Variants in MDH2 observed in about 807,000 individuals in gnomAD.
MDH2 encodes malate dehydrogenase 2.
A neutral mutation model predicts 33.6 loss-of-function variants in MDH2; 25 were observed. The observed-to-expected ratio is 0.74, with a 90% CI of 0.54 to 1.04. The LOEUF is 1.04. Ranked by LOEUF, MDH2 falls within the 50% of genes least tolerant of loss-of-function variation. The probability of loss-of-function intolerance (pLI) is 0.00; values close to 1 mark genes in which losing one functional copy is unlikely to be tolerated. For synonymous variants in MDH2, 193 were observed against 188.7 expected, an observed-to-expected ratio of 1.02 and a Z score of -0.19; for missense variants, 432 against 445.0, an observed-to-expected ratio of 0.97 and a Z score of 0.26.
intron 1 of MDH2, among the ~76,000 whole-genome samples, chr7:76,052,430 CAAAAAAA>C (rs57185949): frequency 4.9e-4 from 63 of 128,704 alleles, no homozygotes; most frequent in East Asian, 1.5e-3. Context: ...GACCCTATCT[CAAAAAAA>C]AAAAAAAAAA....
chr7:76,050,714 A>G (rs560184216), intron 1 of MDH2, among the ~76,000 whole-genome samples: 1 of 152,302 alleles, frequency 6.6e-6, no homozygotes, highest in Non-Finnish European at 1.5e-5. Context: ...TGCAGGTGGT[A>G]AGAAATGATT....
intron 8 of MDH2, 115 bp from the exon 9 acceptor site, chr7:76,066,164 A>G: frequency 2.2e-6 from 3 of 1,344,144 alleles, no homozygotes; most frequent in South Asian, 1.5e-5. Flanking sequence ...CAAGGCACCC[A>G]GAACCCGCAT....
Position 76,066,523 on chromosome 7 carries a change from A to T in MDH2, c.*113A>T. 2.3e-6 allele frequency: 3 copies of T among 1,300,906 alleles called. No individual in the cohort carries two copies. The highest frequency in any genetic ancestry group is 3.0e-6 in the Non-Finnish European group (3 of 984,996). The allele number at this position is 1,300,906 out of a possible 1,614,324, so 80.6% of individuals were successfully genotyped here. A position where few individuals can be genotyped will look rare whatever the true frequency, so the allele number is the denominator to read the frequency against. On this transcript the variant is annotated 3_prime_UTR_variant, in exon 9 of 9. Coordinates refer to ENST00000315758, the MANE Select transcript of MDH2 (RefSeq NM_005918.4). ...TGCTTTGGTGATGATTACTGTATTG[A>T]CATCATCATGCCTTCCAAATTGTGG...
At chr7:76,048,562 G>T in intron 1 of MDH2, 1 of 1,314,190 alleles carries the variant, frequency 7.6e-7, no homozygotes, top group South Asian at 2.3e-5. Context: ...GTAAACTTAC[G>T]TTTTTTTCTG....
chr7:76,051,318 ATTTT>A (rs11342333), intron 1 of MDH2, among the ~76,000 whole-genome samples: 2 of 129,812 alleles, frequency 1.5e-5, no homozygotes, highest in African/African-American at 3.0e-5. Context: ...CAGACTTTGG[ATTTT>A]TTTTTTTTTT....
chr7:76,063,476 A>T, intron 5 of MDH2, 39 bp from the exon 6 acceptor site: 2 of 1,595,432 alleles, frequency 1.3e-6, no homozygotes, highest in Non-Finnish European at 8.6e-7. Context: ...ACAGTGAAAG[A>T]GCTTGTTAAC....
In MDH2 at chr7:76,066,539, C is replaced by A; in HGVS notation, c.*129C>A. 1.7e-6 allele frequency: 2 copies of A among 1,193,638 alleles called. No homozygotes were observed. Among genetic ancestry groups the A allele is most frequent in the Non-Finnish European group, 2.2e-6 (2 of 906,260 alleles). The allele number at this position is 1,193,638 out of a possible 1,614,324, so 73.9% of individuals were successfully genotyped here. A position where few individuals can be genotyped will look rare whatever the true frequency, so the allele number is the denominator to read the frequency against. Reference sequence around the variant, plus strand: ...ACTGTATTGACATCATCATGCCTTCCAAATTGTGGGTGGCTCTGTGGGCGC... The same window carrying A: ...ACTGTATTGACATCATCATGCCTTCAAAATTGTGGGTGGCTCTGTGGGCGC... On this transcript the variant is annotated 3_prime_UTR_variant, in exon 9 of 9. Coordinates refer to ENST00000315758, the MANE Select transcript of MDH2 (RefSeq NM_005918.4).
intron 5 of MDH2, among the ~76,000 whole-genome samples, 162 bp downstream of exon 5, chr7:76,060,660 TG>T (rs1554586884): frequency 1.3e-5 from 2 of 152,070 alleles, no homozygotes; most frequent in African/African-American, 4.8e-5. Context: ...GCAGCCCCTG[TG>T]TTTCCTGTGG....
chr7:76,054,424 T>C, intron 1 of MDH2: 1 of 251,036 alleles, frequency 4.0e-6, no homozygotes, highest in Middle Eastern at 1.4e-3. Context: ...ATTACCTGTC[T>C]CCTACAGAGC....
intron 8 of MDH2, 87 bp from the exon 9 acceptor site, chr7:76,066,192 G>A (rs535775113): frequency 2.3e-5 from 35 of 1,523,254 alleles, no homozygotes; most frequent in Admixed American, 7.7e-5. Flanking sequence ...GAGACTCCTC[G>A]GCAGGGCTGA....
chr7:76,048,158 G>C lies in MDH2; in HGVS notation c.-3G>C. 6.5e-7 allele frequency: 1 copy of C among 1,537,154 alleles called. No homozygotes were observed. Among genetic ancestry groups the C allele is most frequent in the Non-Finnish European group, 8.7e-7 (1 of 1,146,888 alleles). ...GCCAGTCGGTGCCCCTCCCGCTCCA[G>C]CCATGCTCTCCGCCCTCGCCCGGCC... On this transcript the variant is annotated 5_prime_UTR_variant, in exon 1 of 9. Transcript: ENST00000315758.
chr7:76,067,035 A>C lies in MDH2; in HGVS notation c.*625A>C, dbSNP rs1313991798. 6.6e-6 allele frequency: 1 copy of C among 152,272 alleles called. No individual in the cohort carries two copies. The highest frequency in any genetic ancestry group is 1.5e-5 in the Non-Finnish European group (1 of 68,078). The allele number at this position is 152,272 out of a possible 1,614,324, so 9.4% of individuals were successfully genotyped here. ...AGCCCATAGCCAGAACTGTGGGTAG[A>C]CCAGGGTTGGGGTGTGCGGTTTGGG... On this transcript the variant is annotated 3_prime_UTR_variant, in exon 9 of 9. Transcript: ENST00000315758.
intron 1 of MDH2, among the ~76,000 whole-genome samples, chr7:76,052,470 G>A (rs542636305): frequency 6.1e-5 from 9 of 147,946 alleles, no homozygotes; most frequent in African/African-American, 1.5e-4. Flanking sequence ...CATTGCAGCA[G>A]TTTCATCCTC....
intron 7 of MDH2, 106 bp from the exon 8 acceptor site, chr7:76,064,695 TC>T: frequency 7.7e-7 from 1 of 1,290,742 alleles, no homozygotes; most frequent in Non-Finnish European, 1.1e-6. Context: ...ACTGAAATTC[TC>T]CACTGTCAGG....
intron 2 of MDH2, 71 bp from the exon 3 acceptor site, chr7:76,057,339 C>A: frequency 6.4e-7 from 1 of 1,558,434 alleles, no homozygotes; most frequent in Non-Finnish European, 8.8e-7. Flanking sequence ...GGCCTTAAGG[C>A]CAGGGCTGAA....
chr7:76,053,565 C>T (rs6964005), intron 1 of MDH2, among the ~76,000 whole-genome samples: 22,663 of 152,128 alleles, frequency 0.15, 3,335 homozygotes, highest in African/African-American at 0.37. Flanking sequence ...ACTGGGTAAG[C>T]GTCTTGATTC....
At chr7:76,062,258 G>A (rs1387823262) in intron 5 of MDH2, among the ~76,000 whole-genome samples, 8 of 152,210 alleles carry the variant, frequency 5.3e-5, no homozygotes, top group African/African-American at 1.9e-4. Flanking sequence ...GTTCCCGTTT[G>A]CTGCAAAGTC....
At chr7:76,062,705 G>A (rs1186707202) in intron 5 of MDH2, among the ~76,000 whole-genome samples, 5 of 152,188 alleles carry the variant, frequency 3.3e-5, no homozygotes, top group East Asian at 3.8e-4. Flanking sequence ...GCTTGAGCCC[G>A]GGAGTTCAGG....
intron 3 of MDH2, 90 bp downstream of exon 3, chr7:76,057,583 T>G: frequency 7.5e-7 from 1 of 1,336,342 alleles, no homozygotes. Context: ...TTAATCTGGT[T>G]GCTTTGTTGT....
Sources: allele counts gnomAD v4.1 joint callset (sites outside exome capture counted in the v4.1 genomes callset), GRCh38; gene constraint gnomAD v4.1.1; transcripts MANE v1.5; gene names NCBI Gene and HGNC (gene_info 2026-07-23, HGNC 2026-07-21).